Variants in IL10RB observed in about 807,000 individuals in gnomAD.
IL10RB encodes interleukin 10 receptor subunit beta.
A neutral mutation model predicts 38.7 loss-of-function variants in IL10RB; 30 were observed. The observed-to-expected ratio is 0.78, with a 90% CI of 0.58 to 1.05. The LOEUF (loss-of-function observed/expected upper bound fraction) is 1.05, where lower values mean the gene tolerates loss of function less well. Ranked by LOEUF, IL10RB falls within the 50% of genes least tolerant of loss-of-function variation. The pLI is 0.00. For synonymous variants in IL10RB, 142 were observed against 145.9 expected (o/e 0.97, Z 0.19); for missense variants, 328 against 397.1 (o/e 0.83, Z 1.48).
intron 3 of IL10RB, among the ~76,000 whole-genome samples, chr21:33,278,144 G>C (rs1368558076): frequency 6.6e-6 from 1 of 151,864 alleles, no homozygotes; most frequent in African/African-American, 2.4e-5. Flanking sequence ...CTGAGCCTGG[G>C]AAGTCAAGGC....
chr21:33,275,234 C>T (rs1380703003), intron 2 of IL10RB, among the ~76,000 whole-genome samples: 1 of 146,536 alleles, frequency 6.8e-6, no homozygotes, highest in Non-Finnish European at 1.5e-5. Context: ...CGGCTTATTG[C>T]AACCTCTGCC....
intron 1 of IL10RB, among the ~76,000 whole-genome samples, chr21:33,302,548 C>T (rs942565072): frequency 6.6e-6 from 1 of 152,194 alleles, no homozygotes; most frequent in Non-Finnish European, 1.5e-5. Flanking sequence ...GAGTGTGTTT[C>T]CAGGGAACCC....
At chr21:33,291,905 C>A (rs1259056032) in intron 6 of IL10RB, among the ~76,000 whole-genome samples, 1 of 152,162 alleles carries the variant, frequency 6.6e-6, no homozygotes, top group Non-Finnish European at 1.5e-5. Flanking sequence ...TTCTTTCAGG[C>A]CCACGCGCAG....
chr21:33,305,218 C>A (rs995376731), intron 1 of IL10RB, among the ~76,000 whole-genome samples: 5 of 152,158 alleles, frequency 3.3e-5, no homozygotes, highest in Admixed American at 6.5e-5. Flanking sequence ...AGGTGATTAT[C>A]CCACCTCAGC....
chr21:33,274,699 C>T (rs1439512413), intron 2 of IL10RB, among the ~76,000 whole-genome samples: 3 of 152,152 alleles, frequency 2.0e-5, no homozygotes, highest in African/African-American at 7.2e-5. Context: ...TTAAAATATT[C>T]AGTAAACCAT....
chr21:33,296,445 G>GGCCAAGACCATCT lies in IL10RB; in HGVS notation c.*90_*102dup, dbSNP rs752012391. On this transcript the variant is annotated 3_prime_UTR_variant, in exon 7 of 7. Transcript: ENST00000290200. ...GTGAGGGATCAGGGCAGCAAACAAG[G>GGCCAAGACCATCT]GCCAAGACCATCTGAGCCAGCCCCA... 4 of 1,268,666 alleles carry GGCCAAGACCATCT rather than the reference G, an allele frequency of 3.2e-6. No homozygotes were observed. Among genetic ancestry groups the GGCCAAGACCATCT allele is most frequent in the Non-Finnish European group, 4.5e-6 (4 of 890,690 alleles). 78.6% of individuals were successfully genotyped at this position (1,268,666 alleles called of 1,614,324 possible). A position where few individuals can be genotyped will look rare whatever the true frequency, so the allele number is the denominator to read the frequency against.
intron 5 of IL10RB, among the ~76,000 whole-genome samples, chr21:33,284,045 T>C (rs2843712): frequency 0.48 from 72,773 of 151,782 alleles, 17,989 homozygotes; most frequent in African/African-American, 0.6. Context: ...CCTGTAATCC[T>C]AACACTTTGA....
downstream of IL10RB, among the ~76,000 whole-genome samples, chr21:33,299,556 C>G (rs1275839465): frequency 6.6e-6 from 1 of 152,208 alleles, no homozygotes; most frequent in Non-Finnish European, 1.5e-5. Context: ...CTGCCCCTCC[C>G]CTAACATACC....
At chr21:33,300,564 TAAAAC>T (rs1266233542), downstream of IL10RB, among the ~76,000 whole-genome samples, 3 of 151,664 alleles carry the variant, frequency 2.0e-5, no homozygotes, top group Non-Finnish European at 4.4e-5. Flanking sequence ...AAAACAAAAA[TAAAAC>T]AAATATGCAA....
At chr21:33,278,187 A>G (rs1266794857) in intron 3 of IL10RB, among the ~76,000 whole-genome samples, 2 of 152,022 alleles carry the variant, frequency 1.3e-5, no homozygotes, top group African/African-American at 2.4e-5. Flanking sequence ...ACTGCACTCC[A>G]GCAGCCTGGG....
intron 6 of IL10RB, among the ~76,000 whole-genome samples, chr21:33,289,178 C>A (rs889195468): frequency 6.6e-6 from 1 of 152,210 alleles, no homozygotes; most frequent in Non-Finnish European, 1.5e-5. Flanking sequence ...CAGGAAGGGG[C>A]CCTAAGCTAG....
intron 5 of IL10RB, 90 bp from the exon 6 acceptor site, chr21:33,288,014 G>T: frequency 7.9e-7 from 1 of 1,263,624 alleles, no homozygotes; most frequent in Non-Finnish European, 1.2e-6. Context: ...TACAGGCTCT[G>T]TTTTCAGGGA....
chr21:33,284,836 A>G (rs2123587198), intron 5 of IL10RB, among the ~76,000 whole-genome samples: 1 of 152,324 alleles, frequency 6.6e-6, no homozygotes, highest in African/African-American at 2.4e-5. Context: ...CTTCCTGTAC[A>G]GCCTGCAGAT....
chr21:33,284,504 A>T (rs537861647), intron 5 of IL10RB, among the ~76,000 whole-genome samples: 2 of 152,288 alleles, frequency 1.3e-5, no homozygotes, highest in East Asian at 3.9e-4. Context: ...CATTAGAAGG[A>T]TCTTCTCCCA....
chr21:33,266,581 C>G (rs1224730785), intron 1 of IL10RB, 67 bp downstream of exon 1: 2 of 1,471,526 alleles, frequency 1.4e-6, no homozygotes, highest in African/African-American at 1.4e-5. Flanking sequence ...CGCCCCTGAT[C>G]CCATCCCTGG....
chr21:33,285,702 T>C (rs1236866779), intron 5 of IL10RB, among the ~76,000 whole-genome samples: 2 of 152,100 alleles, frequency 1.3e-5, no homozygotes, highest in Admixed American at 6.5e-5. Context: ...GCGGGGCCCA[T>C]GGATCCCTGT....
At chr21:33,300,558 CA>C (rs2014921413), downstream of IL10RB, among the ~76,000 whole-genome samples, 1 of 151,662 alleles carries the variant, frequency 6.6e-6, no homozygotes, top group African/African-American at 2.4e-5. Flanking sequence ...AAGCGAAAAA[CA>C]AAAATAAAAC....
chr21:33,271,797 C>A (rs1411107811), intron 2 of IL10RB, among the ~76,000 whole-genome samples: 2 of 151,524 alleles, frequency 1.3e-5, no homozygotes, highest in African/African-American at 4.9e-5. Flanking sequence ...ACATGCTGGA[C>A]AATTGATGCA....
intron 4 of IL10RB, among the ~76,000 whole-genome samples, chr21:33,281,725 G>C (rs1989283212): frequency 6.6e-6 from 1 of 152,156 alleles, no homozygotes; most frequent in Non-Finnish European, 1.5e-5. Flanking sequence ...TGTGATTACA[G>C]GCATCTGCCA....
Sources: gnomAD v4.1 joint callset for allele counts (sites outside exome capture counted in the v4.1 genomes callset) on GRCh38, gnomAD v4.1.1 for gene constraint, MANE v1.5 for transcripts, NCBI Gene and HGNC (gene_info 2026-07-23, HGNC 2026-07-21) for gene names.